VRK3: variants seen among roughly 807,000 people sequenced by gnomAD.
VRK3 encodes serine/threonine-protein kinase VRK3.
A neutral mutation model predicts 60.4 loss-of-function variants in VRK3; 50 were observed. The ratio of observed to expected loss-of-function variants is 0.83; its 90% CI spans 0.66 to 1.05. The LOEUF (loss-of-function observed/expected upper bound fraction) is 1.05. Among genes scored for constraint, VRK3 ranks in the 50% least tolerant of loss-of-function variants. The pLI is 0.00. For synonymous variants in VRK3, 246 were observed against 227.8 expected (o/e 1.08, Z -0.72); for missense variants, 549 against 585.3 (o/e 0.94, Z 0.64).
chr19:49,989,652 C>T lies in VRK3; in HGVS notation c.1083G>A (p.Leu361=), dbSNP rs1357789278. 2 of 1,611,762 alleles carry T rather than the reference C, an allele frequency of 1.2e-6. No individual in the cohort carries two copies. Among genetic ancestry groups the T allele is most frequent in the Admixed American group, 1.7e-5 (1 of 59,818 alleles). ...EGDLEFISMD[L]HKGCGPSRRS... ...CTGGCCTCGTACCGCATCCCTTGTG[C>T]AGGTCCATGCTAATGAACTCAAGGT... Residue 361 remains leucine, a synonymous_variant, in exon 11 of 15, where the codon CTG becomes CTA. Transcript: ENST00000316763.
chr19:50,009,129 G>T, intron 4 of VRK3, 107 bp downstream of exon 4: 1 of 1,322,262 alleles, frequency 7.6e-7, no homozygotes, highest in Non-Finnish European at 1.1e-6. Flanking sequence ...TCCAGGCAGG[G>T]ATGGATGATG....
In VRK3 at chr19:49,989,726, C is replaced by G; in HGVS notation, c.1009G>C (p.Gly337Arg). The change falls in exon 11 of 15, where the codon GGC (glycine) becomes CGC (arginine). Residue 337 changes from glycine (G) to arginine (R), a missense_variant. Transcript: ENST00000316763. ...YGFAFRYCPS[G>R]KHVAYVEGSR... ...CCTTCCACGTAGGCCACGTGTTTGC[C>G]ACTTGGGCAATAGCGGAAGGCGAAG... 1 of 1,613,772 alleles carries G rather than the reference C, an allele frequency of 6.2e-7. No homozygotes were observed. Among genetic ancestry groups the G allele is most frequent in the East Asian group, 2.2e-5 (1 of 44,878 alleles).
chr19:50,008,641 G>A (rs762060540), intron 4 of VRK3: 1 of 153,178 alleles, frequency 6.5e-6, no homozygotes, highest in Non-Finnish European at 1.5e-5. Flanking sequence ...CCCCAGCCCA[G>A]AAAGTGAGGC....
intron 12 of VRK3, among the ~76,000 whole-genome samples, chr19:49,985,004 G>A (rs1488391403): frequency 1.3e-5 from 2 of 152,202 alleles, no homozygotes; most frequent in Admixed American, 1.3e-4. Flanking sequence ...ACAGGGAATT[G>A]AGGCCCCCCT....
chr19:50,009,537 C>G, intron 3 of VRK3, 152 bp from the exon 4 acceptor site: 1 of 886,278 alleles, frequency 1.1e-6, no homozygotes, highest in Non-Finnish European at 1.7e-6. Flanking sequence ...AATATATGAG[C>G]AAACTGTTCC....
intron 7 of VRK3, 84 bp downstream of exon 7, chr19:49,997,420 A>G: frequency 6.7e-7 from 1 of 1,481,948 alleles, no homozygotes; most frequent in Non-Finnish European, 9.3e-7. Flanking sequence ...CACCCTTCTC[A>G]TGCCTGCAGG....
At position 50,009,367 on chromosome 19, in the gene VRK3, T is replaced by G. The variant is rs2076957352; in HGVS notation, c.158A>C (p.Asn53Thr). ...CTTAGGAGAGGTTTCAAAACTGGAGTTCAGCCCTCTCTTTGAGCCTAAAGA... is the reference window on the plus strand; with the variant it reads ...CTTAGGAGAGGTTTCAAAACTGGAGGTCAGCCCTCTCTTTGAGCCTAAAGA... Reference protein sequence around the residue: ...SSFQGSKRGLNSSFETSPKKV... With the variant: ...SSFQGSKRGLTSSFETSPKKV... The change falls in exon 4 of 15, where the codon AAC (asparagine) becomes ACC (threonine). Residue 53 changes from asparagine (N) to threonine (T), a missense_variant. Coordinates refer to ENST00000316763, the MANE Select transcript of VRK3 (RefSeq NM_016440.4). 4 of 1,613,610 alleles carry G rather than the reference T, an allele frequency of 2.5e-6. No individual in the cohort carries two copies. The highest frequency in any genetic ancestry group is 3.4e-6 in the Non-Finnish European group (4 of 1,179,822).
intron 12 of VRK3, chr19:49,986,984 T>A (rs940220992): frequency 2.6e-5 from 4 of 152,158 alleles, no homozygotes; most frequent in Non-Finnish European, 5.9e-5. Context: ...ACCTCCCGGG[T>A]TCAAGCAATT....
At chr19:50,017,394 G>C (rs1043004234) in intron 2 of VRK3, among the ~76,000 whole-genome samples, 1 of 151,458 alleles carries the variant, frequency 6.6e-6, no homozygotes. Flanking sequence ...GACCAACATG[G>C]AGAAACCCCG....
chr19:49,991,742 G>A lies in VRK3; in HGVS notation c.963+1118C>T, dbSNP rs148607872. ...GAGGAATAAGTCTGCCTGACAACGA[G>A]CAGTGCAGAAGCATGAGGAGTCCAG... On this transcript the variant is annotated intron_variant, in intron 10 of 14. Coordinates refer to ENST00000316763, the MANE Select transcript of VRK3 (RefSeq NM_016440.4). Among the ~76,000 whole-genome samples the A allele has an allele frequency of 3.1e-3, 467 of 152,320 alleles. 1 individual carries two copies. The highest frequency in any genetic ancestry group is 0.011 in the African/African-American group (445 of 41,580).
intron 6 of VRK3, 115 bp downstream of exon 6, chr19:50,000,674 TG>T: frequency 8.1e-7 from 1 of 1,231,654 alleles, no homozygotes; most frequent in Non-Finnish European, 1.2e-6. Flanking sequence ...TCCTTGCAGG[TG>T]GGGACCCTGG....
At chr19:49,994,551 C>T (rs2076667805) in intron 9 of VRK3, among the ~76,000 whole-genome samples, 1 of 152,194 alleles carries the variant, frequency 6.6e-6, no homozygotes, top group African/African-American at 2.4e-5. Flanking sequence ...TTAGAAACAC[C>T]CTCCACCAGG....
intron 7 of VRK3, among the ~76,000 whole-genome samples, chr19:49,996,310 G>T (rs2076703927): frequency 6.6e-6 from 1 of 151,898 alleles, no homozygotes; most frequent in South Asian, 2.1e-4. Flanking sequence ...ACCGGCCTCC[G>T]CCTCCAAAAG....
intron 2 of VRK3, among the ~76,000 whole-genome samples, chr19:50,018,867 T>C (rs1017312354): frequency 2.0e-5 from 3 of 151,722 alleles, no homozygotes; most frequent in African/African-American, 7.3e-5. Context: ...CCCAGGTAAA[T>C]TAAAAATTAA....
chr19:50,018,321 C>T (rs1052341778), intron 2 of VRK3, among the ~76,000 whole-genome samples: 1 of 152,216 alleles, frequency 6.6e-6, no homozygotes, highest in African/African-American at 2.4e-5. Flanking sequence ...ATTAATATTT[C>T]TATTCTTCCC....
intron 5 of VRK3, among the ~76,000 whole-genome samples, chr19:50,006,626 C>T (rs546775694): frequency 6.6e-6 from 1 of 152,252 alleles, no homozygotes; most frequent in Non-Finnish European, 1.5e-5. Context: ...CCGCCTGTCT[C>T]GGCCTCCCAA....
intron 3 of VRK3, among the ~76,000 whole-genome samples, chr19:50,010,684 G>A (rs1465626325): frequency 6.6e-6 from 1 of 152,144 alleles, no homozygotes; most frequent in African/African-American, 2.4e-5. Flanking sequence ...AGGCCAGGGC[G>A]GGTGGATCGC....
intron 1 of VRK3, among the ~76,000 whole-genome samples, chr19:50,022,247 A>G (rs1286193039): frequency 6.6e-6 from 1 of 152,156 alleles, no homozygotes; most frequent in African/African-American, 2.4e-5. Context: ...ATTCTTGTAG[A>G]TTTAAATCTG....
intron 3 of VRK3, among the ~76,000 whole-genome samples, chr19:50,014,785 T>G (rs543755685): frequency 6.6e-6 from 1 of 152,074 alleles, no homozygotes; most frequent in East Asian, 1.9e-4. Flanking sequence ...GGGGACCTGG[T>G]CCCTTCACCT....
Sources: allele counts gnomAD v4.1 joint callset (sites outside exome capture counted in the v4.1 genomes callset), GRCh38; gene constraint gnomAD v4.1.1; transcripts MANE v1.5; gene names NCBI Gene and HGNC (gene_info 2026-07-23, HGNC 2026-07-21).